EHD2: variants seen among roughly 807,000 people sequenced by gnomAD.
The protein encoded by EHD2 is EH domain-containing protein 2.
A neutral mutation model predicts 41.0 loss-of-function variants in EHD2; 27 were observed. That is an observed-to-expected ratio of 0.66 (90% CI 0.49 to 0.91). EHD2 has a LOEUF of 0.91. Ranked by LOEUF, EHD2 falls within the 40% of genes least tolerant of loss-of-function variation. EHD2 has a pLI of 0.00. For synonymous variants in EHD2, 342 were observed against 341.0 expected (o/e 1.00, Z -0.03); for missense variants, 673 against 773.9 (o/e 0.87, Z 1.55).
Position 47,742,923 on chromosome 19 carries a change from C to G in EHD2, c.*1491C>G, listed in dbSNP as rs1967007257. ...CCCCACCCCTAAAGGGACGCCGACG[C>G]TGTTTGCTGCCTTCACCACATATTA... On this transcript the variant is annotated 3_prime_UTR_variant, in exon 6 of 6. Transcript: ENST00000263277. 1 of 152,700 alleles carries G rather than the reference C, an allele frequency of 6.5e-6. No homozygotes were observed. The allele number at this position is 152,700 out of a possible 1,614,324, so 9.5% of individuals were successfully genotyped here. A position where few individuals can be genotyped will look rare whatever the true frequency, so the allele number is the denominator to read the frequency against.
rs1208918213 is a variant in EHD2 at position 47,715,078 on chromosome 19, T to TAAATAAATAAATAAAA, written c.-55-1477_-55-1476insTAAATAAATAAAAAAA. ...ATAAATAAATAAATAAATAAATAAA[T>TAAATAAATAAATAAAA]AAAAAGAAAGAAAAGCAAAGCAAAG... On this transcript the variant is annotated intron_variant, in intron 1 of 5. Transcript: ENST00000263277. Among the ~76,000 whole-genome samples, 5 of 139,752 alleles carry TAAATAAATAAATAAAA rather than the reference T, an allele frequency of 3.6e-5. No homozygotes were observed. In the East Asian group the frequency reaches 8.0e-4, roughly 22 times the overall value. 91.7% of individuals were successfully genotyped at this position (139,752 alleles called of 152,430 possible). A position where few individuals can be genotyped will look rare whatever the true frequency, so the allele number is the denominator to read the frequency against.
At chr19:47,716,510 C>G in intron 1 of EHD2, 48 bp from the exon 2 acceptor site, 1 of 1,340,646 alleles carries the variant, frequency 7.5e-7, no homozygotes, top group Non-Finnish European at 9.8e-7. Context: ...CCCCTTTCTT[C>G]CTCCTTGGCT....
Position 47,741,706 on chromosome 19 carries a change from C to G in EHD2, c.*274C>G. On this transcript the variant is annotated 3_prime_UTR_variant, in exon 6 of 6. Transcript: ENST00000263277. This position sits in a 1 kb window ranked among gnomAD's most constrained non-coding sequence, Gnocchi z 4.5. ...TGGCACACGCAGGCATCCATCCATC[C>G]GTCATTCATTCAAATATTTATTGAG... 1.6e-6 allele frequency: 1 copy of G among 626,476 alleles called. No homozygotes were observed. The highest frequency in any genetic ancestry group is 1.7e-5 in the South Asian group (1 of 59,572). The allele number at this position is 626,476 out of a possible 1,614,324, so 38.8% of individuals were successfully genotyped here. A position where few individuals can be genotyped will look rare whatever the true frequency, so the allele number is the denominator to read the frequency against.
At chr19:47,731,293 T>TATATATACAC (rs1555793915) in intron 4 of EHD2, 1 of 89,942 alleles carries the variant, frequency 1.1e-5, no homozygotes, top group Non-Finnish European at 2.7e-5. Context: ...TATATATATA[T>TATATATACAC]ATATATATAC....
intron 4 of EHD2, chr19:47,726,427 C>A (rs1281875499): frequency 2.0e-6 from 1 of 489,354 alleles, no homozygotes; most frequent in Non-Finnish European, 3.4e-6. Context: ...GTGTCAACTC[C>A]GTGTCACCCT....
intron 3 of EHD2, among the ~76,000 whole-genome samples, chr19:47,722,012 AC>A (rs1973701836): frequency 2.3e-5 from 1 of 44,056 alleles, no homozygotes; most frequent in Non-Finnish European, 3.9e-5. Context: ...AAAACAAAAC[AC>A]ACACACACAC....
intron 4 of EHD2, among the ~76,000 whole-genome samples, chr19:47,735,628 C>T (rs999413449): frequency 1.3e-5 from 2 of 151,656 alleles, no homozygotes; most frequent in Non-Finnish European, 2.9e-5. Context: ...GCAGGCCAGG[C>T]GCGGTGGCTC....
rs1014801108 is a variant in EHD2 at position 47,719,453 on chromosome 19, G to A, written c.502+847G>A. Among the ~76,000 whole-genome samples the A allele has an allele frequency of 6.6e-6, 1 of 152,098 alleles. No homozygotes were observed. Reference sequence around the variant, plus strand: ...TGGCGGGGGGTGGATTCCAGCCGGGGCCTCCGGGCGTGCTGAGCCCTCACC... The same window carrying A: ...TGGCGGGGGGTGGATTCCAGCCGGGACCTCCGGGCGTGCTGAGCCCTCACC... On this transcript the variant is annotated intron_variant, in intron 3 of 5. Coordinates refer to ENST00000263277, the MANE Select transcript of EHD2 (RefSeq NM_014601.4). This position sits in a 1 kb window ranked among gnomAD's most constrained non-coding sequence, Gnocchi z 4.1.
rs1973743298 is a variant in EHD2 at position 47,725,690 on chromosome 19, G to A, written c.503-122G>A. ...ATTTTGCCCAGACAGGATTTGGACA[G>A]CCAACAACGTGAACATCTTTACAGT... On this transcript the variant is annotated intron_variant, in intron 3 of 5. Coordinates refer to ENST00000263277, the MANE Select transcript of EHD2 (RefSeq NM_014601.4). 4.5e-6 allele frequency: 6 copies of A among 1,324,830 alleles called. No individual in the cohort carries two copies. In the South Asian group the frequency reaches 4.8e-5, roughly 11 times the overall value. 82.1% of individuals were successfully genotyped at this position (1,324,830 alleles called of 1,614,324 possible).
intron 1 of EHD2, among the ~76,000 whole-genome samples, chr19:47,715,038 C>CAAATAAATAAAT (rs60976490): frequency 0.021 from 2,863 of 138,900 alleles, 40 homozygotes; most frequent in Admixed American, 0.039. Context: ...ACTCCATCTC[C>CAAATAAATAAAT]AAATAAATAA....
At chr19:47,715,322 C>A (rs1040565646) in intron 1 of EHD2, among the ~76,000 whole-genome samples, 1 of 152,022 alleles carries the variant, frequency 6.6e-6, no homozygotes, top group African/African-American at 2.4e-5. Flanking sequence ...TCATGGCTCC[C>A]AGTACACCAG....
chr19:47,718,988 C>A (rs535968450), intron 3 of EHD2, among the ~76,000 whole-genome samples: 2 of 152,024 alleles, frequency 1.3e-5, no homozygotes, highest in East Asian at 3.9e-4. Context: ...ACTCCTGGGT[C>A]TAGAGGAGGA....
chr19:47,728,539 TTCTTTC>T (rs1398633342), intron 4 of EHD2, among the ~76,000 whole-genome samples: 8 of 151,506 alleles, frequency 5.3e-5, no homozygotes, highest in African/African-American at 9.7e-5. Context: ...CTTTCTCTCT[TTCTTTC>T]TCTTTCTCTT....
intron 5 of EHD2, among the ~76,000 whole-genome samples, chr19:47,738,452 G>T (rs1966948069): frequency 6.6e-6 from 1 of 151,760 alleles, no homozygotes. Context: ...ACAGGCATCC[G>T]CCACCACGCC....
At chr19:47,730,925 T>G (rs907199027) in intron 4 of EHD2, among the ~76,000 whole-genome samples, 2 of 152,158 alleles carry the variant, frequency 1.3e-5, no homozygotes, top group East Asian at 3.9e-4. Context: ...CCTTTTCTCA[T>G]AGAATTACTT....
rs200091589 is a variant in EHD2, at chr19:47,740,876, C to A, written c.1081-5C>A. 1 of 1,612,272 alleles carries A rather than the reference C, an allele frequency of 6.2e-7. No homozygotes were observed. Among genetic ancestry groups the A allele is most frequent in the Non-Finnish European group, 8.5e-7 (1 of 1,179,742 alleles). On this transcript the variant is annotated splice_polypyrimidine_tract_variant and splice_region_variant and intron_variant, in intron 5 of 5. Transcript: ENST00000263277. The stretch of plus-strand genomic sequence containing the variant: ...AATTCTGGGTGCCCCTGTCCCCCAC[C>A]ACAGGAGCTGCTGATGGCGCACGAC...
At position 47,730,309 on chromosome 19, in the gene EHD2, T is replaced by A. The variant is rs1172206698; in HGVS notation, c.915+4085T>A. Among the ~76,000 whole-genome samples the A allele has an allele frequency of 5.9e-5, 9 of 151,806 alleles. No homozygotes were observed. The East Asian group carries it at 1.7e-3, about 29-fold the overall frequency. On this transcript the variant is annotated intron_variant, in intron 4 of 5. Coordinates refer to ENST00000263277, the MANE Select transcript of EHD2 (RefSeq NM_014601.4). ...GCCCCCTGGCTCCATTGGCCCGCTC[T>A]CACAGGCCCCGCCCCCAGCCCGGCC...
intron 4 of EHD2, among the ~76,000 whole-genome samples, chr19:47,728,367 C>G (rs1973773662): frequency 6.6e-6 from 1 of 152,020 alleles, no homozygotes; most frequent in Admixed American, 6.6e-5. Flanking sequence ...CTCCTCACCC[C>G]TTTCAAGACT....
At position 47,725,871 on chromosome 19, in the gene EHD2, C is replaced by T; in HGVS notation, c.562C>T (p.Leu188Phe). 1 of 1,612,924 alleles carries T rather than the reference C, an allele frequency of 6.2e-7. No homozygotes were observed. Among genetic ancestry groups the T allele is most frequent in the Non-Finnish European group, 8.5e-7 (1 of 1,179,054 alleles). Residue 188 changes from leucine to phenylalanine, a missense_variant, in exon 4 of 6, where the codon CTC becomes TTC. Coordinates refer to ENST00000263277, the MANE Select transcript of EHD2 (RefSeq NM_014601.4). ...FAERVDLIIL[L>F]FDAHKLEISD... is the part of the protein sequence containing the mutation. ...GGAGCGCGTGGACCTCATCATCCTGCTCTTTGATGCGCACAAGCTGGAGAT... is the reference window on the plus strand; with the variant it reads ...GGAGCGCGTGGACCTCATCATCCTGTTCTTTGATGCGCACAAGCTGGAGAT...
Sources: gnomAD v4.1 joint callset for allele counts (sites outside exome capture counted in the v4.1 genomes callset) on GRCh38, gnomAD v4.1.1 for gene constraint, Gnocchi (gnomAD v3.1) non-coding constraint, MANE v1.5 for transcripts, NCBI Gene and HGNC (gene_info 2026-07-23, HGNC 2026-07-21) for gene names.